SETX: variants seen among roughly 807,000 people sequenced by gnomAD.
SETX encodes helicase senataxin.
In SETX, 90 loss-of-function variants were observed where a neutral mutation model predicts 227.2. The observed-to-expected ratio is 0.40, with a 90% confidence interval of 0.33 to 0.47. SETX has a LOEUF of 0.47. SETX is among the 20% of genes least tolerant of loss of function. The pLI is 0.91. For missense variants in SETX, 3,052 were observed against 3,181.5 expected (o/e 0.96, Z 0.98); for synonymous variants, 1,210 against 1,113.2 (o/e 1.09, Z -1.73).
At chr9:132,339,102 G>A (rs530924087) in intron 5 of SETX, among the ~76,000 whole-genome samples, 2 of 152,104 alleles carry the variant, frequency 1.3e-5, no homozygotes, top group African/African-American at 2.4e-5. Flanking sequence ...CTCTCTTTAT[G>A]GTATTTTTTG....
chr9:132,313,755 A>C (rs754662995), intron 10 of SETX, among the ~76,000 whole-genome samples: 19 of 152,030 alleles, frequency 1.2e-4, no homozygotes, highest in Non-Finnish European at 2.4e-4. Flanking sequence ...AAAGTAATCA[A>C]CCAGGTTCAG....
At chr9:132,342,313 G>T (rs938813147) in intron 5 of SETX, among the ~76,000 whole-genome samples, 2 of 152,084 alleles carry the variant, frequency 1.3e-5, no homozygotes, top group African/African-American at 2.4e-5. Context: ...ACCTTCCCTT[G>T]TTTTAATTCT....
At chr9:132,294,441 T>G (rs1279573096) in intron 15 of SETX, among the ~76,000 whole-genome samples, 1 of 152,258 alleles carries the variant, frequency 6.6e-6, no homozygotes, top group East Asian at 1.9e-4. Flanking sequence ...TGACTGCAGC[T>G]ATTCACAAAA....
At chr9:132,305,897 A>G (rs947879529) in intron 11 of SETX, among the ~76,000 whole-genome samples, 3 of 152,230 alleles carry the variant, frequency 2.0e-5, no homozygotes, top group Admixed American at 6.5e-5. Context: ...CTACACCAAC[A>G]TAAAACCCTG....
Position 132,264,347 on chromosome 9 carries a change from C to T in SETX, c.7926G>A (p.Glu2642=), listed in dbSNP as rs147986724. The T allele has an allele frequency of 1.5e-5, 25 of 1,614,094 alleles. No individual in the cohort carries two copies. In the African/African-American group the frequency reaches 2.9e-4, roughly 19 times the overall value. Residue 2642 remains glutamate, a synonymous_variant, in exon 26 of 26, where the codon GAG becomes GAA. Transcript: ENST00000224140. The part of the protein sequence containing the change: ...RREARAFSEG[E]QEKCGSETHH... ...GGGTCTCGGAACCACACTTCTCCTG[C>T]TCCCCTTCACTGAAAGCCCTGGCCT...
rs778106178 is a variant in SETX at position 132,264,386 on chromosome 9, G to A, written c.7887C>T (p.Leu2629=). The change falls in exon 26 of 26, where the codon CTC becomes CTT. Residue 2629 remains leucine (L), a synonymous_variant. Transcript: ENST00000224140. ...QSKCDDPEEE[L]CHRREARAFS... is the part of the protein sequence containing the mutation. ...AAGCCCTGGCCTCTCTCCTGTGACA[G>A]AGCTCCTCTTCCGGGTCATCACATT... 2 of 1,614,152 alleles carry A rather than the reference G, an allele frequency of 1.2e-6. No individual in the cohort carries two copies. The highest frequency in any genetic ancestry group is 4.5e-5 in the East Asian group (2 of 44,892).
chr9:132,342,082 A>G (rs977883095), intron 5 of SETX, among the ~76,000 whole-genome samples: 1 of 152,140 alleles, frequency 6.6e-6, no homozygotes, highest in African/African-American at 2.4e-5. Flanking sequence ...TTGGCAGAGT[A>G]GCCCTTCCTG....
At position 132,264,931 on chromosome 9, in the gene SETX, T is replaced by TA; in HGVS notation, c.7341dup (p.Ile2448TyrfsTer2). On this transcript the variant is annotated frameshift_variant, in exon 26 of 26. Coordinates refer to ENST00000224140, the MANE Select transcript of SETX (RefSeq NM_015046.7). LOFTEE classifies it low-confidence loss of function (END_TRUNC). The stretch of plus-strand genomic sequence containing the variant: ...CTATAGTTTTTGTCACAGGTCTTAA[T>TA]AATGGCACCACGCTTCTGAGCATCC... 1 of 1,614,176 alleles carries TA rather than the reference T, an allele frequency of 6.2e-7. No individual in the cohort carries two copies. Among genetic ancestry groups the TA allele is most frequent in the South Asian group, 1.1e-5 (1 of 91,088 alleles).
rs1186411643 is a variant in SETX, at chr9:132,264,388, GCTC to G, written c.7882_7884del (p.Glu2628del). ...GCCCTGGCCTCTCTCCTGTGACAGAGCTCCTCTTCCGGGTCATCACATTTGCTC... is the reference window on the plus strand; with the variant it reads ...GCCCTGGCCTCTCTCCTGTGACAGAGCTCTTCCGGGTCATCACATTTGCTC... On this transcript the variant is annotated inframe_deletion, in exon 26 of 26. Coordinates refer to ENST00000224140, the MANE Select transcript of SETX (RefSeq NM_015046.7). 1 of 1,614,176 alleles carries G rather than the reference GCTC, an allele frequency of 6.2e-7. No homozygotes were observed. The highest frequency in any genetic ancestry group is 2.2e-5 in the East Asian group (1 of 44,892).
rs1847068557 is a variant in SETX at position 132,329,322 on chromosome 9, G to A, written c.2276C>T (p.Ser759Phe). 2 of 1,613,800 alleles carry A rather than the reference G, an allele frequency of 1.2e-6. No individual in the cohort carries two copies. Among genetic ancestry groups the A allele is most frequent in the Middle Eastern group, 3.3e-4 (2 of 6,056 alleles). The change falls in exon 10 of 26, where the codon TCC (serine) becomes TTC (phenylalanine). Residue 759 changes from serine (S) to phenylalanine (F), a missense_variant. By Grantham distance (155) the Ser-to-Phe change is radical (BLOSUM62 -2). Coordinates refer to ENST00000224140, the MANE Select transcript of SETX (RefSeq NM_015046.7). Reference protein sequence around the residue: ...DSSTDALEKVSTSNEDFSLKD... With the variant: ...DSSTDALEKVFTSNEDFSLKD... ...TAAAGAGAAATCTTCATTCGATGTG[G>A]ACACTTTTTCCAAAGCATCAGTGCT...
At position 132,264,596 on chromosome 9, in the gene SETX, T is replaced by C. The variant is rs1316344508; in HGVS notation, c.7677A>G (p.Gln2559=). The change falls in exon 26 of 26, where the codon CAA becomes CAG. Residue 2559 remains glutamine, a synonymous_variant. Coordinates refer to ENST00000224140, the MANE Select transcript of SETX (RefSeq NM_015046.7). ...CTCCAGGATGCTGGGGGCTCGAGGG[T>C]TGTGGATCCCAAAGGAATATTCCTC... is the stretch of plus-strand genomic sequence containing the variant. ...VKGGIFLWDP[Q]PSSPQHPGAT... is the part of the protein sequence containing the mutation. The C allele has an allele frequency of 3.1e-6, 5 of 1,613,678 alleles. No homozygotes were observed. In the South Asian group the frequency reaches 4.4e-5, roughly 14 times the overall value.
rs770489578 is a variant in SETX, at chr9:132,278,184, T to C, written c.6728A>G (p.His2243Arg). 1 of 1,614,220 alleles carries C rather than the reference T, an allele frequency of 6.2e-7. No homozygotes were observed. Among genetic ancestry groups the C allele is most frequent in the South Asian group, 1.1e-5 (1 of 91,082 alleles). The stretch of plus-strand genomic sequence containing the variant: ...AATGGGCAGCCTGCTGATCATGTTG[T>C]GTTCTACATTCTCTTCCAGCAGTCT... The part of the protein sequence containing the change: ...FCRLLEENVE[H>R]NMISRLPILQ... The change falls in exon 21 of 26, where the codon CAC (histidine) becomes CGC (arginine). Residue 2243 changes from histidine to arginine, a missense_variant. Transcript: ENST00000224140.
Position 132,326,755 on chromosome 9 carries a change from C to G in SETX, c.4843G>C (p.Glu1615Gln), listed in dbSNP as rs774081894. 2.5e-6 allele frequency: 4 copies of G among 1,614,042 alleles called. No homozygotes were observed. In the African/African-American group the frequency reaches 5.3e-5, roughly 22 times the overall value. Reference protein sequence around the residue: ...SRIAGLSKSLETSSALSPSLK... With the variant: ...SRIAGLSKSLQTSSALSPSLK... ...GACGGTGAAAGTGCTGAAGAAGTTTCCAAAGATTTAGAAAGACCAGCAATT... is the reference window on the plus strand; with the variant it reads ...GACGGTGAAAGTGCTGAAGAAGTTTGCAAAGATTTAGAAAGACCAGCAATT... Residue 1615 changes from glutamate (E) to glutamine (Q), a missense_variant, in exon 10 of 26, where the codon GAA becomes CAA. By Grantham distance (29) the Glu-to-Gln change is conservative. Around this residue, in one of 10 missense-constraint regions of SETX, gnomAD observed 1,483 missense variants for 1,312.0 expected, o/e 1.13. Coordinates refer to ENST00000224140, the MANE Select transcript of SETX (RefSeq NM_015046.7).
At position 132,263,498 on chromosome 9, in the gene SETX, A is replaced by G. The variant is rs1336594760; in HGVS notation, c.*741T>C. On this transcript the variant is annotated 3_prime_UTR_variant, in exon 26 of 26. Transcript: ENST00000224140. ...CTCCATATTCTTCTCTCTCAAGAAG[A>G]TTAGGAATTTTAGCTAGGGAACTAT... 1 of 152,234 alleles carries G rather than the reference A, an allele frequency of 6.6e-6. No individual in the cohort carries two copies. Among genetic ancestry groups the G allele is most frequent in the Non-Finnish European group, 1.5e-5 (1 of 68,052 alleles). 9.4% of individuals were successfully genotyped at this position (152,234 alleles called of 1,614,324 possible).
intron 10 of SETX, among the ~76,000 whole-genome samples, chr9:132,314,987 A>G (rs1361049575): frequency 7.3e-6 from 1 of 137,104 alleles, no homozygotes. Flanking sequence ...ATCTCAGCTC[A>G]CTGCAACCGC....
intron 7 of SETX, among the ~76,000 whole-genome samples, 199 bp downstream of exon 7, chr9:132,334,409 T>C (rs577624307): frequency 1.1e-4 from 16 of 152,186 alleles, no homozygotes; most frequent in African/African-American, 3.1e-4. Context: ...CATCGCACCA[T>C]TGCACTCCAG....
In SETX at chr9:132,292,415, C is replaced by CAAAA. The variant is rs60253119; in HGVS notation, c.6106+3453_6106+3456dup. Reference sequence around the variant, plus strand: ...ATGTACCCCAGCCTGAGCTGGGGTACAAAAAAAAAAAAAAAAAAAAAAGAA... The same window carrying CAAAA: ...ATGTACCCCAGCCTGAGCTGGGGTACAAAAAAAAAAAAAAAAAAAAAAAAAAGAA... On this transcript the variant is annotated intron_variant, in intron 15 of 25. Coordinates refer to ENST00000224140, the MANE Select transcript of SETX (RefSeq NM_015046.7). Among the ~76,000 whole-genome samples the CAAAA allele has an allele frequency of 1.3e-4, 8 of 61,072 alleles. 1 individual carries two copies. Among genetic ancestry groups the CAAAA allele is most frequent in the East Asian group, 6.8e-4 (2 of 2,930 alleles). The allele number at this position is 61,072 out of a possible 152,430, so 40.1% of individuals were successfully genotyped here. A position where few individuals can be genotyped will look rare whatever the true frequency, so the allele number is the denominator to read the frequency against.
intron 21 of SETX, among the ~76,000 whole-genome samples, 189 bp from the exon 22 acceptor site, chr9:132,277,341 G>C (rs1843219072): frequency 6.6e-6 from 1 of 152,156 alleles, no homozygotes; most frequent in Admixed American, 6.5e-5. Context: ...CTGGTGCTGG[G>C]AGAGGTGTCT....
rs201131266 is a variant in SETX, at chr9:132,340,564, G to A, written c.498+2126C>T. On this transcript the variant is annotated intron_variant, in intron 5 of 25. Transcript: ENST00000224140. Reference sequence around the variant, plus strand: ...GAAAAACGTACTCACTCACTGCCACGCATTTTAGTTTTCTAAGTCAGGTCG... The same window carrying A: ...GAAAAACGTACTCACTCACTGCCACACATTTTAGTTTTCTAAGTCAGGTCG... Among the ~76,000 whole-genome samples, 13 of 152,108 alleles carry A rather than the reference G, an allele frequency of 8.5e-5. No individual in the cohort carries two copies. The East Asian group carries it at 1.3e-3, about 16-fold the overall frequency.
Sources: gnomAD v4.1 joint callset for allele counts (sites outside exome capture counted in the v4.1 genomes callset) on GRCh38, gnomAD v4.1.1 for gene constraint, gnomAD v4.1.1 regional missense constraint, MANE v1.5 for transcripts, NCBI Gene and HGNC (gene_info 2026-07-23, HGNC 2026-07-21) for gene names.